The following COQ8A variants were observed in gnomAD, a reference collection of about 807,000 sequenced individuals.
The protein encoded by COQ8A is atypical kinase COQ8A, mitochondrial.
COQ8A carries 51 observed loss-of-function variants against 65.0 expected under a neutral mutation model. That is an observed-to-expected ratio of 0.78 (90% CI 0.63 to 0.99). The LOEUF (loss-of-function observed/expected upper bound fraction) is 0.99. COQ8A is among the 50% of genes least tolerant of loss of function. The pLI is 0.00. For synonymous variants in COQ8A, 371 were observed against 353.2 expected (o/e 1.05, Z -0.57); for missense variants, 940 against 875.0 (o/e 1.07, Z -0.94).
chr1:226,975,100 A>G (rs1659114600), intron 4 of COQ8A: 1 of 152,232 alleles, frequency 6.6e-6, no homozygotes, highest in Non-Finnish European at 1.5e-5. Context: ...TGCACAGGCT[A>G]ATGTTGCCTG....
intron 4 of COQ8A, among the ~76,000 whole-genome samples, chr1:226,966,838 G>A (rs971267008): frequency 1.3e-5 from 2 of 152,172 alleles, no homozygotes; most frequent in Non-Finnish European, 2.9e-5. Flanking sequence ...CTCCCCGAGA[G>A]CCTGGTATTC....
rs1477023276 is a variant in COQ8A at position 226,949,172 on chromosome 1, C to T, written c.-10+8773C>T. On this transcript the variant is annotated intron_variant, in intron 1 of 14. Transcript: ENST00000366777. The surrounding 1 kb of genome is among the most constrained non-coding windows in gnomAD (Gnocchi z 4.0). ...AAAGTAGGACCTGCAGAGTGGAGTG[C>T]GCTCACATGGCTCGCGCGTAGCTGG... 6.6e-6 allele frequency among the ~76,000 whole-genome samples: 1 copy of T among 151,550 alleles called. No individual in the cohort carries two copies.
chr1:226,944,324 G>A (rs1656867400), intron 1 of COQ8A, among the ~76,000 whole-genome samples: 1 of 152,152 alleles, frequency 6.6e-6, no homozygotes, highest in South Asian at 2.1e-4. Flanking sequence ...TGTCCAGAGG[G>A]TGGAGGAGAA....
intron 1 of COQ8A, among the ~76,000 whole-genome samples, chr1:226,951,357 C>T (rs1253556806): frequency 6.6e-6 from 1 of 152,142 alleles, no homozygotes; most frequent in Admixed American, 6.5e-5. Flanking sequence ...CCTCCTGAAG[C>T]GACAGGAGGA....
chr1:226,985,455 G>T, intron 14 of COQ8A, 115 bp downstream of exon 14: 1 of 1,174,484 alleles, frequency 8.5e-7, no homozygotes. Context: ...CAGAGCCCGG[G>T]CCTCCTTGGG....
chr1:226,981,888 G>A, intron 5 of COQ8A, 139 bp from the exon 6 acceptor site: 3 of 1,314,072 alleles, frequency 2.3e-6, no homozygotes, highest in Non-Finnish European at 3.2e-6. Context: ...ACATGGAACA[G>A]TAGTTAGTTA....
intron 6 of COQ8A, chr1:226,982,391 T>A: frequency 1.5e-6 from 1 of 646,684 alleles, no homozygotes; most frequent in Non-Finnish European, 2.6e-6. Flanking sequence ...ACAGGTCATT[T>A]CAACATTTTA....
chr1:226,964,271 A>T (rs1382184529), intron 2 of COQ8A, among the ~76,000 whole-genome samples: 2 of 152,130 alleles, frequency 1.3e-5, no homozygotes, highest in Non-Finnish European at 2.9e-5. Flanking sequence ...AGTAACTGTG[A>T]CTGTGAGGAG....
chr1:226,944,955 C>T (rs1029102259), intron 1 of COQ8A, among the ~76,000 whole-genome samples: 2 of 152,114 alleles, frequency 1.3e-5, no homozygotes, highest in African/African-American at 4.8e-5. Flanking sequence ...CCCCTCTCTG[C>T]CTTTCTGAAG....
In COQ8A at chr1:226,987,242, A is replaced by G. The variant is rs1480789761; in HGVS notation, c.*505A>G. The G allele has an allele frequency of 5.8e-6, 1 of 172,958 alleles. No individual in the cohort carries two copies. The highest frequency in any genetic ancestry group is 1.2e-5 in the Non-Finnish European group (1 of 80,370). 10.7% of individuals were successfully genotyped at this position (172,958 alleles called of 1,614,324 possible). On this transcript the variant is annotated 3_prime_UTR_variant, in exon 15 of 15. Transcript: ENST00000366777. ...GAGAGGTGCTGAGCTAACAGTGCCA[A>G]CAAGTGCTCCTTAAGCCTGCGAGGC...
chr1:226,957,777 G>A (rs183432044), intron 1 of COQ8A, among the ~76,000 whole-genome samples: 1 of 152,284 alleles, frequency 6.6e-6, no homozygotes, highest in Admixed American at 6.5e-5. Context: ...ACAGCCCGTG[G>A]GGGTGTCTTT....
intron 1 of COQ8A, among the ~76,000 whole-genome samples, chr1:226,958,706 C>CT (rs1169466617): frequency 6.6e-6 from 1 of 152,208 alleles, no homozygotes; most frequent in African/African-American, 2.4e-5. Context: ...ACCCCCACTG[C>CT]TTTATCATTT....
At position 226,949,075 on chromosome 1, in the gene COQ8A, A is replaced by G. The variant is rs1207562250; in HGVS notation, c.-10+8676A>G. On this transcript the variant is annotated intron_variant, in intron 1 of 14. Transcript: ENST00000366777. This position sits in a 1 kb window ranked among gnomAD's most constrained non-coding sequence, Gnocchi z 4.0. ...GCTGATTCCCAGCCCCAAGGCCCCAAGGCCCTCACCCTTGGCTAATGGGTG... is the reference window on the plus strand; with the variant it reads ...GCTGATTCCCAGCCCCAAGGCCCCAGGGCCCTCACCCTTGGCTAATGGGTG... Among the ~76,000 whole-genome samples, 1 of 152,028 alleles carries G rather than the reference A, an allele frequency of 6.6e-6. No individual in the cohort carries two copies. The highest frequency in any genetic ancestry group is 1.5e-5 in the Non-Finnish European group (1 of 68,014).
Position 226,982,695 on chromosome 1 carries a change from C to A in COQ8A, c.871C>A (p.Pro291Thr). ...LSIQDDAFIN[P>T]HLAKIFERVR... ...CCTTCCAGATGATGCCTTTATCAAC[C>A]CCCACCTGGCTAAGATCTTCGAGCG... Residue 291 changes from proline to threonine, a missense_variant, in exon 7 of 15, where the codon CCC becomes ACC. Physicochemically the swap from Pro to Thr is conservative, Grantham distance 38. Transcript: ENST00000366777. 6.2e-7 allele frequency: 1 copy of A among 1,613,586 alleles called. No individual in the cohort carries two copies. Among genetic ancestry groups the A allele is most frequent in the Non-Finnish European group, 8.5e-7 (1 of 1,180,024 alleles).
At chr1:226,959,585 A>G (rs1165389239) in intron 1 of COQ8A, among the ~76,000 whole-genome samples, 6 of 152,226 alleles carry the variant, frequency 3.9e-5, no homozygotes, top group African/African-American at 1.4e-4. Flanking sequence ...GTCTGCTCAC[A>G]AATGACAGAC....
chr1:226,967,339 C>T (rs1658628463), intron 4 of COQ8A, among the ~76,000 whole-genome samples: 1 of 152,162 alleles, frequency 6.6e-6, no homozygotes, highest in Non-Finnish European at 1.5e-5. Flanking sequence ...TTTTCTCTGT[C>T]CCCTCCCTCT....
chr1:226,951,442 T>C (rs2482450), intron 1 of COQ8A, among the ~76,000 whole-genome samples: 83,025 of 151,998 alleles, frequency 0.55, 23,266 homozygotes, highest in African/African-American at 0.67. Flanking sequence ...TCATGAGCAG[T>C]ACTTAGGGGC....
At chr1:226,970,691 T>C (rs1658850840) in intron 4 of COQ8A, among the ~76,000 whole-genome samples, 1 of 152,222 alleles carries the variant, frequency 6.6e-6, no homozygotes, top group African/African-American at 2.4e-5. Flanking sequence ...TTATTTTTAC[T>C]ACTTCTCCAA....
chr1:226,979,698 C>T (rs1404763309), intron 5 of COQ8A, among the ~76,000 whole-genome samples: 1 of 152,196 alleles, frequency 6.6e-6, no homozygotes, highest in Non-Finnish European at 1.5e-5. Flanking sequence ...CTTCACCCAC[C>T]AACGCTGCCT....
Sources: gnomAD v4.1 joint callset for allele counts (sites outside exome capture counted in the v4.1 genomes callset) on GRCh38, gnomAD v4.1.1 for gene constraint, Gnocchi (gnomAD v3.1) non-coding constraint, MANE v1.5 for transcripts, NCBI Gene and HGNC (gene_info 2026-07-23, HGNC 2026-07-21) for gene names.